PDE1C: variants seen among roughly 807,000 people sequenced by gnomAD.
The protein encoded by PDE1C is phosphodiesterase 1C.
In PDE1C, 62 loss-of-function variants were observed where a neutral mutation model predicts 93.1. The observed-to-expected ratio is 0.67, with a 90% CI of 0.54 to 0.82. The LOEUF (loss-of-function observed/expected upper bound fraction) is 0.82. PDE1C is among the 40% of genes least tolerant of loss of function. The probability of loss-of-function intolerance (pLI) is 0.00; values close to 1 mark genes in which losing one functional copy is unlikely to be tolerated. For synonymous variants in PDE1C, 325 were observed against 310.1 expected, an observed-to-expected ratio of 1.05 and a Z score of -0.50; for missense variants, 742 against 884.6, an observed-to-expected ratio of 0.84 and a Z score of 2.04.
the PDE1C span, among the ~76,000 whole-genome samples, chr7:31,706,278 T>C: frequency 6.6e-6 from 1 of 152,010 alleles, no homozygotes; most frequent in African/African-American, 2.4e-5. Context: ...GTGCTGGGAT[T>C]ATAGGCATGA....
Position 32,114,055 on chromosome 7 carries a change from C to T in PDE1C, c.308+55730G>A, listed in dbSNP as rs143343731. ...ATATCGTGAAAATGGCCATACTATC[C>T]AAAGTAATTTATAGATTCAATGCTA... On this transcript the variant is annotated intron_variant, in intron 3 of 18. Transcript: ENST00000396193. 3.9e-3 allele frequency among the ~76,000 whole-genome samples: 594 copies of T among 152,208 alleles called. 7 individuals carry two copies. The highest frequency in any genetic ancestry group is 0.014 in the African/African-American group (567 of 41,526).
intron 1 of PDE1C, among the ~76,000 whole-genome samples, chr7:32,266,913 G>C (rs1481707228): frequency 1.3e-5 from 2 of 150,928 alleles, no homozygotes; most frequent in Non-Finnish European, 3.0e-5. Context: ...GGGGCGGGGT[G>C]GGGGGGTGCG....
chr7:31,777,091 T>C (rs1344206438), intron 16 of PDE1C, among the ~76,000 whole-genome samples: 1 of 151,326 alleles, frequency 6.6e-6, no homozygotes, highest in African/African-American at 2.4e-5. Context: ...TGTATACATA[T>C]GTAACAAACC....
In PDE1C at chr7:31,852,125, A is replaced by T. The variant is rs10255166; in HGVS notation, c.751-1384T>A. On this transcript the variant is annotated intron_variant, in intron 7 of 17. Coordinates refer to ENST00000396191, the MANE Select transcript of PDE1C (RefSeq NM_001191057.4). ...GTTTCTAATTTCCCACTTAAGCCAT[A>T]TCTTTCAATTAACTACTAATTTTGG... 3.2e-3 allele frequency among the ~76,000 whole-genome samples: 480 copies of T among 152,360 alleles called. 1 individual carries two copies. The highest frequency in any genetic ancestry group is 5.8e-3 in the Non-Finnish European group (393 of 68,026).
chr7:32,347,108 A>C (rs1392337697), intron 1 of PDE1C, among the ~76,000 whole-genome samples: 1 of 152,244 alleles, frequency 6.6e-6, no homozygotes, highest in Non-Finnish European at 1.5e-5. Context: ...TGTTTTAAAA[A>C]GAATCCGTCT....
chr7:31,704,282 A>T, the PDE1C span, among the ~76,000 whole-genome samples: 9 of 152,166 alleles, frequency 5.9e-5, no homozygotes, highest in African/African-American at 2.2e-4. Context: ...GTGGTGTCCT[A>T]GCCCTGGCTC....
intron 3 of PDE1C, among the ~76,000 whole-genome samples, chr7:32,084,508 G>A (rs901371039): frequency 3.4e-4 from 50 of 149,086 alleles, no homozygotes; most frequent in African/African-American, 1.3e-3. Context: ...AGACCTAATA[G>A]ACATCTACAG....
intron 1 of PDE1C, among the ~76,000 whole-genome samples, chr7:32,397,569 T>C (rs1269733696): frequency 6.6e-6 from 1 of 152,214 alleles, no homozygotes; most frequent in Non-Finnish European, 1.5e-5. Context: ...GACCTTTAAC[T>C]TGATGATACA....
At chr7:31,794,632 A>G (rs866493579) in intron 16 of PDE1C, among the ~76,000 whole-genome samples, 3 of 151,974 alleles carry the variant, frequency 2.0e-5, no homozygotes, top group East Asian at 1.9e-4. Context: ...AATGCCCCCA[A>G]TGCCTGGCCC....
In PDE1C at chr7:32,421,969, C is replaced by T. The variant is rs115823904; in HGVS notation, c.310+5853G>A. ...CTTTGAAAGCAATGAATCCAGTAAC[C>T]GCCAGGAAAGAGAATCAAAAGAAAG... On this transcript the variant is annotated intron_variant, in intron 1 of 1. Coordinates refer to the PDE1C transcript ENST00000672256. Among the ~76,000 whole-genome samples, 670 of 152,160 alleles carry T rather than the reference C, an allele frequency of 4.4e-3. 7 individuals are homozygous for T. The highest frequency in any genetic ancestry group is 0.016 in the African/African-American group (651 of 41,482).
At chr7:32,049,651 C>T (rs1485864263) in intron 2 of PDE1C, among the ~76,000 whole-genome samples, 2 of 152,060 alleles carry the variant, frequency 1.3e-5, no homozygotes, top group Non-Finnish European at 2.9e-5. Flanking sequence ...CTAAAAAATG[C>T]CATTGTTGAA....
chr7:32,364,507 A>G lies in PDE1C; in HGVS notation c.310+63315T>C, dbSNP rs1157959155. ...GGACTTCTCATGGTGTGAAAAAGGT[A>G]AGCAGAAGATCCCCACCAGCCCCAT... On this transcript the variant is annotated intron_variant, in intron 1 of 1. Transcript: ENST00000672256. 2.6e-5 allele frequency among the ~76,000 whole-genome samples: 4 copies of G among 152,266 alleles called. No individual in the cohort carries two copies. The East Asian group carries it at 7.7e-4, about 29-fold the overall frequency.
chr7:31,948,652 T>A (rs186219083), intron 2 of PDE1C, among the ~76,000 whole-genome samples: 3 of 152,284 alleles, frequency 2.0e-5, no homozygotes, highest in Admixed American at 2.0e-4. Flanking sequence ...ATCTTACTTA[T>A]CTTTTTGCGG....
chr7:32,046,098 C>T (rs141830510), intron 2 of PDE1C, among the ~76,000 whole-genome samples: 1 of 152,178 alleles, frequency 6.6e-6, no homozygotes, highest in East Asian at 1.9e-4. Context: ...CAGATAGAGG[C>T]CACACTATTA....
intron 2 of PDE1C, among the ~76,000 whole-genome samples, chr7:32,014,672 C>T (rs571357562): frequency 6.6e-6 from 1 of 152,206 alleles, no homozygotes; most frequent in Non-Finnish European, 1.5e-5. Flanking sequence ...CATGTGTTCT[C>T]ATTGTTCAAC....
intron 1 of PDE1C, among the ~76,000 whole-genome samples, chr7:32,313,199 A>G (rs1017847053): frequency 2.6e-5 from 4 of 152,192 alleles, no homozygotes; most frequent in African/African-American, 9.7e-5. Flanking sequence ...CAAAACCACA[A>G]TGAGATACCA....
chr7:31,966,855 G>C (rs1185772206), intron 2 of PDE1C, among the ~76,000 whole-genome samples: 1 of 152,146 alleles, frequency 6.6e-6, no homozygotes, highest in Non-Finnish European at 1.5e-5. Context: ...GCTCCTGAAT[G>C]ACTACTGGGT....
At chr7:31,761,187 C>T (rs1794814774) in intron 17 of PDE1C, among the ~76,000 whole-genome samples, 1 of 92,422 alleles carries the variant, frequency 1.1e-5, no homozygotes, top group Admixed American at 1.1e-4. Context: ...AATTCACACC[C>T]TTCCTCCTAT....
chr7:32,182,754 C>T lies in PDE1C; in HGVS notation c.137-12798G>A, dbSNP rs1031210086. ...AAAACTGGCACAAGACAGGGATGCCCTCTCTCACCACTCCTATTCAACATA... is the reference window on the plus strand; with the variant it reads ...AAAACTGGCACAAGACAGGGATGCCTTCTCTCACCACTCCTATTCAACATA... On this transcript the variant is annotated intron_variant, in intron 2 of 18. Transcript: ENST00000396193. Among the ~76,000 whole-genome samples, 14 of 152,246 alleles carry T rather than the reference C, an allele frequency of 9.2e-5. No individual in the cohort carries two copies. The South Asian group carries it at 2.7e-3, about 29-fold the overall frequency.
Sources: gnomAD v4.1 joint callset for allele counts (sites outside exome capture counted in the v4.1 genomes callset) on GRCh38, gnomAD v4.1.1 for gene constraint, MANE v1.5 for transcripts, NCBI Gene and HGNC (gene_info 2026-07-23, HGNC 2026-07-21) for gene names.